Variants in DCC observed in about 807,000 individuals in gnomAD.
DCC encodes netrin receptor DCC.
A neutral mutation model predicts 172.5 loss-of-function variants in DCC; 58 were observed. That is an observed-to-expected ratio of 0.34 (90% CI 0.27 to 0.42). The LOEUF is 0.42. Ranked by LOEUF, DCC falls within the 10% of genes least tolerant of loss-of-function variation. The probability of loss-of-function intolerance (pLI) is 1.00; values close to 1 mark genes in which losing one functional copy is unlikely to be tolerated. For missense variants in DCC, 1,740 were observed against 1,791.0 expected, an observed-to-expected ratio of 0.97 and a Z score of 0.51; for synonymous variants, 709 against 644.5, an observed-to-expected ratio of 1.10 and a Z score of -1.52.
intron 1 of DCC, 66 bp from the exon 2 acceptor site, chr18:52,751,984 AAGAC>A: frequency 7.5e-7 from 1 of 1,329,018 alleles, no homozygotes; most frequent in Non-Finnish European, 1.1e-6. Context: ...TTGTAAAGAA[AAGAC>A]AGGGAATCTA....
chr18:52,945,341 T>G (rs1461843163), intron 5 of DCC, among the ~76,000 whole-genome samples: 3 of 152,184 alleles, frequency 2.0e-5, no homozygotes, highest in Non-Finnish European at 2.9e-5. Flanking sequence ...CTACACAAAT[T>G]TAATAGTGAA....
intron 1 of DCC, among the ~76,000 whole-genome samples, chr18:52,683,377 C>A (rs992126988): frequency 6.6e-6 from 1 of 152,116 alleles, no homozygotes. Flanking sequence ...GTTTACCAGG[C>A]TAGAGAACAT....
chr18:52,852,899 T>C (rs1374119271), intron 2 of DCC, among the ~76,000 whole-genome samples: 5 of 152,192 alleles, frequency 3.3e-5, no homozygotes, highest in African/African-American at 1.2e-4. Context: ...ATGAAGCAGG[T>C]ACTGTTAGTG....
chr18:53,270,914 A>G (rs2056740981), intron 12 of DCC, among the ~76,000 whole-genome samples: 1 of 152,148 alleles, frequency 6.6e-6, no homozygotes. Context: ...ACTACTTATT[A>G]AAAGTACATT....
chr18:52,399,805 G>A (rs138652724), intron 1 of DCC, among the ~76,000 whole-genome samples: 65 of 152,096 alleles, frequency 4.3e-4, no homozygotes, highest in Middle Eastern at 3.4e-3. Context: ...AGTTCCCTGA[G>A]AGTGAGAACC....
At chr18:53,385,066 C>T (rs34962696) in intron 15 of DCC, among the ~76,000 whole-genome samples, 36,144 of 148,706 alleles carry the variant, frequency 0.24, 5,028 homozygotes, top group East Asian at 0.5. Flanking sequence ...GGGGTTTCAC[C>T]GTGTTAGCCA....
intron 15 of DCC, among the ~76,000 whole-genome samples, chr18:53,371,671 A>G (rs1295353891): frequency 6.6e-6 from 1 of 152,090 alleles, no homozygotes; most frequent in Admixed American, 6.6e-5. Flanking sequence ...AGTACAGATC[A>G]TAATAATAAA....
At chr18:53,476,126 T>C (rs2045759200) in intron 25 of DCC, among the ~76,000 whole-genome samples, 1 of 152,150 alleles carries the variant, frequency 6.6e-6, no homozygotes, top group Admixed American at 6.5e-5. Context: ...TGTAACCCCA[T>C]TTTATATAGG....
intron 1 of DCC, among the ~76,000 whole-genome samples, chr18:52,389,773 G>A (rs1985957327): frequency 6.6e-6 from 1 of 151,926 alleles, no homozygotes; most frequent in Non-Finnish European, 1.5e-5. Context: ...CACCTCCCTA[G>A]GTCCTCCATC....
intron 1 of DCC, among the ~76,000 whole-genome samples, chr18:52,519,172 G>A (rs1346572683): frequency 2.0e-5 from 3 of 152,172 alleles, no homozygotes; most frequent in Non-Finnish European, 4.4e-5. Flanking sequence ...GCTCCAGAAT[G>A]TAGCTGCCAG....
chr18:52,558,543 A>C (rs553565041), intron 1 of DCC, among the ~76,000 whole-genome samples: 1 of 152,168 alleles, frequency 6.6e-6, no homozygotes, highest in Admixed American at 6.6e-5. Flanking sequence ...GCAGGATACT[A>C]TGTTCCTCTA....
intron 5 of DCC, among the ~76,000 whole-genome samples, chr18:53,040,411 G>A (rs1017761928): frequency 3.3e-5 from 5 of 151,894 alleles, no homozygotes; most frequent in Admixed American, 6.6e-5. Context: ...TACATAAACC[G>A]AAAAGCATAT....
intron 7 of DCC, among the ~76,000 whole-genome samples, chr18:53,111,435 AAAG>A: frequency 2.8e-5 from 1 of 36,140 alleles, no homozygotes; most frequent in East Asian, 5.3e-4. Flanking sequence ...CAAAAAAAAG[AAAG>A]AAAGATTAAA....
At chr18:52,622,520 C>T (rs769158262) in intron 1 of DCC, among the ~76,000 whole-genome samples, 5 of 152,178 alleles carry the variant, frequency 3.3e-5, no homozygotes, top group South Asian at 2.1e-4. Flanking sequence ...AAAGACTTAT[C>T]GACATCGTTG....
chr18:53,215,634 C>T, intron 12 of DCC, 37 bp downstream of exon 12: 1 of 1,530,014 alleles, frequency 6.5e-7, no homozygotes, highest in Non-Finnish European at 9.1e-7. Context: ...CATTACCTAT[C>T]AAGATTACCT....
intron 7 of DCC, among the ~76,000 whole-genome samples, chr18:53,143,733 A>G (rs2043865142): frequency 6.6e-6 from 1 of 152,260 alleles, no homozygotes; most frequent in East Asian, 1.9e-4. Context: ...TAATTTTAAA[A>G]TGTTTCAGGA....
Position 52,423,952 on chromosome 18 carries a change from G to A in DCC, c.91+83074G>A, listed in dbSNP as rs1461203906. Among the ~76,000 whole-genome samples the A allele has an allele frequency of 6.6e-5, 10 of 152,166 alleles. No individual in the cohort carries two copies. The East Asian group carries it at 1.4e-3, about 21-fold the overall frequency. ...TCCAAGACCCTTTCGCTTCCGTTCC[G>A]ATAATGTCTCTAGGACCAAGAATGG... On this transcript the variant is annotated intron_variant, in intron 1 of 28. Coordinates refer to ENST00000442544, the MANE Select transcript of DCC (RefSeq NM_005215.4).
intron 7 of DCC, among the ~76,000 whole-genome samples, chr18:53,084,853 T>A (rs1045141204): frequency 6.6e-6 from 1 of 152,236 alleles, no homozygotes; most frequent in Non-Finnish European, 1.5e-5. Flanking sequence ...ATTCTTCCAC[T>A]AATTTTGCAT....
chr18:53,228,693 G>A (rs565182907), intron 12 of DCC, among the ~76,000 whole-genome samples: 10 of 152,142 alleles, frequency 6.6e-5, no homozygotes, highest in Admixed American at 1.3e-4. Flanking sequence ...CAAGGATTTC[G>A]GGGTTTATGA....
Sources: allele counts gnomAD v4.1 joint callset (sites outside exome capture counted in the v4.1 genomes callset), GRCh38; gene constraint gnomAD v4.1.1; transcripts MANE v1.5; gene names NCBI Gene and HGNC (gene_info 2026-07-23, HGNC 2026-07-21).